The following CCDC88A variants were observed in gnomAD, a reference collection of about 807,000 sequenced individuals.
The protein encoded by CCDC88A is coiled-coil and HOOK domain protein 88A.
A neutral mutation model predicts 234.3 loss-of-function variants in CCDC88A; 54 were observed. The observed-to-expected ratio is 0.23, with a 90% CI of 0.19 to 0.29. The LOEUF (loss-of-function observed/expected upper bound fraction) is 0.29. CCDC88A is among the 10% of genes least tolerant of loss of function. The pLI is 1.00. For missense variants in CCDC88A, 1,832 were observed against 2,123.4 expected, an observed-to-expected ratio of 0.86 and a Z score of 2.70; for synonymous variants, 753 against 737.8, an observed-to-expected ratio of 1.02 and a Z score of -0.33.
intron 30 of CCDC88A, 52 bp downstream of exon 30, chr2:55,296,206 A>T (rs1474856911): frequency 6.5e-6 from 10 of 1,541,284 alleles, no homozygotes; most frequent in Non-Finnish European, 7.0e-6. Context: ...CAATTACAGA[A>T]ATTTAACTTG....
Position 55,336,738 on chromosome 2 carries a change from C to T in CCDC88A, c.1599G>A (p.Lys533=), listed in dbSNP as rs181558977. Residue 533 remains lysine, a synonymous_variant, in exon 14 of 33, where the codon AAG becomes AAA. Coordinates refer to ENST00000436346, the MANE Select transcript of CCDC88A (RefSeq NM_001365480.1). ...TTGTTTTTTCAAGCTGAGCTTTCTC[C>T]TTCATTAGATCCTTGCTTAAATTCT... ...NCQNLSKDLM[K]EKAQLEKTIE... is the part of the protein sequence containing the mutation. 9.7e-5 allele frequency: 155 copies of T among 1,594,150 alleles called. No homozygotes were observed. The East Asian group carries it at 3.1e-3, about 32-fold the overall frequency.
chr2:55,312,571 G>T lies in CCDC88A; in HGVS notation c.3942C>A (p.Ser1314Arg). The change falls in exon 23 of 33, where the codon AGC becomes AGA. Residue 1314 changes from serine to arginine, a missense_variant. By Grantham distance (110) the Ser-to-Arg change is moderately radical (BLOSUM62 -1). Transcript: ENST00000436346. ...CTTCTTCTAAATTTCCTTTAAGTTG[G>T]CTTAGCAACTGTTTAAACACAAACA... ...TKLNNQCELL[S>R]QLKGNLEEEN... The T allele has an allele frequency of 6.2e-7, 1 of 1,604,870 alleles. No homozygotes were observed. The highest frequency in any genetic ancestry group is 8.5e-7 in the Non-Finnish European group (1 of 1,175,122).
intron 23 of CCDC88A, among the ~76,000 whole-genome samples, chr2:55,311,018 AATCTTTGGAAGTCAACT>A (rs1682285793): frequency 6.6e-6 from 1 of 152,252 alleles, no homozygotes; most frequent in Admixed American, 6.5e-5. Flanking sequence ...AATAGATCAT[AATCTTTGGAAGTCAACT>A]ATCTAGATAC....
chr2:55,375,265 C>G (rs1316628685), intron 3 of CCDC88A, among the ~76,000 whole-genome samples: 27 of 151,772 alleles, frequency 1.8e-4, no homozygotes. Flanking sequence ...CAAATTAAAG[C>G]ATTCAAGTCA....
chr2:55,289,297 AT>A lies in CCDC88A; in HGVS notation c.*1902del, dbSNP rs1679280272. 6.6e-6 allele frequency: 1 copy of A among 152,578 alleles called. No individual in the cohort carries two copies. The highest frequency in any genetic ancestry group is 1.5e-5 in the Non-Finnish European group (1 of 67,992). The allele number at this position is 152,578 out of a possible 1,614,324, so 9.5% of individuals were successfully genotyped here. On this transcript the variant is annotated 3_prime_UTR_variant, in exon 33 of 33. Transcript: ENST00000436346. ...GCAAATTAGATGCTAGCTAATATAA[AT>A]CTAAGTTACCCACTAACTGTATTTA... is the stretch of plus-strand genomic sequence containing the variant.
At chr2:55,409,242 T>C (rs1470903911) in intron 2 of CCDC88A, among the ~76,000 whole-genome samples, 1 of 152,182 alleles carries the variant, frequency 6.6e-6, no homozygotes. Flanking sequence ...GTTATTTACA[T>C]CTTCATGCCT....
chr2:55,290,978 G>A lies in CCDC88A; in HGVS notation c.*222C>T, dbSNP rs1679402661. The A allele has an allele frequency of 2.0e-5, 3 of 152,458 alleles. No individual in the cohort carries two copies. The highest frequency in any genetic ancestry group is 7.2e-5 in the African/African-American group (3 of 41,410). 9.4% of individuals were successfully genotyped at this position (152,458 alleles called of 1,614,324 possible). A position where few individuals can be genotyped will look rare whatever the true frequency, so the allele number is the denominator to read the frequency against. On this transcript the variant is annotated 3_prime_UTR_variant, in exon 33 of 33. Transcript: ENST00000436346. ...AGTCCTAAAACCTTTAAAAAATTTT[G>A]GCAGTTGAATCCAGTAGTGCTCCTT...
chr2:55,324,512 G>A (rs1482933229), intron 17 of CCDC88A, among the ~76,000 whole-genome samples: 1 of 152,130 alleles, frequency 6.6e-6, no homozygotes, highest in East Asian at 1.9e-4. Context: ...CTTTAACCAT[G>A]TGTTGAGTGC....
At chr2:55,393,635 C>T (rs1677063225) in intron 2 of CCDC88A, among the ~76,000 whole-genome samples, 1 of 151,900 alleles carries the variant, frequency 6.6e-6, no homozygotes, top group African/African-American at 2.4e-5. Context: ...TAATTAACCA[C>T]CTTTCAAAAC....
At chr2:55,295,462 C>T (rs771228276) in intron 31 of CCDC88A, 135 bp downstream of exon 31, 1 of 1,568,260 alleles carries the variant, frequency 6.4e-7, no homozygotes, top group Non-Finnish European at 8.7e-7. Context: ...TGTGACCTTC[C>T]TGTTCTTGAG....
Position 55,362,295 on chromosome 2 carries a change from G to T in CCDC88A, c.627+13C>A, listed in dbSNP as rs1208160883. The T allele has an allele frequency of 6.4e-7, 1 of 1,552,706 alleles. No homozygotes were observed. Among genetic ancestry groups the T allele is most frequent in the South Asian group, 1.2e-5 (1 of 81,076 alleles). Reference sequence around the variant, plus strand: ...AGCAAACTTTCACAATATACTGAAAGAATTTTACAAACCTCTGAATGTTCA... The same window carrying T: ...AGCAAACTTTCACAATATACTGAAATAATTTTACAAACCTCTGAATGTTCA... On this transcript the variant is annotated intron_variant, in intron 7 of 32. Coordinates refer to ENST00000436346, the MANE Select transcript of CCDC88A (RefSeq NM_001365480.1).
At chr2:55,348,047 G>A (rs1007703519) in intron 9 of CCDC88A, among the ~76,000 whole-genome samples, 1 of 151,306 alleles carries the variant, frequency 6.6e-6, no homozygotes, top group African/African-American at 2.4e-5. Flanking sequence ...CTGCAGCCTC[G>A]ACCTCCCAGG....
rs764263889 is a variant in CCDC88A at position 55,408,736 on chromosome 2, T to C, written c.164+10080A>G. Among the ~76,000 whole-genome samples the C allele has an allele frequency of 5.9e-5, 9 of 152,140 alleles. No homozygotes were observed. In the South Asian group the frequency reaches 1.0e-3, roughly 18 times the overall value. On this transcript the variant is annotated intron_variant, in intron 2 of 32. Transcript: ENST00000436346. ...TCTGCCTGTGGAGTAGTCATACTTA[T>C]ATTCCTCTACTTTCTTAATAAACTT...
intron 29 of CCDC88A, among the ~76,000 whole-genome samples, chr2:55,297,819 T>G (rs1036421452): frequency 4.6e-5 from 7 of 152,140 alleles, no homozygotes; most frequent in Non-Finnish European, 4.4e-5. Context: ...CATTACTACT[T>G]GAAGGCTTCT....
At chr2:55,405,337 A>G (rs1236939884) in intron 2 of CCDC88A, 2 of 152,116 alleles carry the variant, frequency 1.3e-5, no homozygotes, top group African/African-American at 2.4e-5. Flanking sequence ...GGGCTCCCTA[A>G]TTTATTCCAG....
At chr2:55,333,037 T>C (rs1350595079) in intron 15 of CCDC88A, among the ~76,000 whole-genome samples, 1 of 152,206 alleles carries the variant, frequency 6.6e-6, no homozygotes, top group Non-Finnish European at 1.5e-5. Context: ...TAAATATATG[T>C]TGACTATAAT....
intron 18 of CCDC88A, among the ~76,000 whole-genome samples, chr2:55,319,812 A>G (rs1406731694): frequency 2.6e-5 from 4 of 152,208 alleles, no homozygotes; most frequent in African/African-American, 4.8e-5. Context: ...AAAATCAACA[A>G]CAGCAAAGTA....
intron 31 of CCDC88A, chr2:55,292,956 C>A (rs1679599299): frequency 6.6e-6 from 1 of 151,620 alleles, no homozygotes; most frequent in Admixed American, 6.6e-5. Flanking sequence ...TATTTTCCAA[C>A]AGTCCTCAGG....
chr2:55,368,331 T>C (rs1444413706), intron 5 of CCDC88A, among the ~76,000 whole-genome samples: 1 of 152,164 alleles, frequency 6.6e-6, no homozygotes, highest in Non-Finnish European at 1.5e-5. Context: ...AGGTAAGATC[T>C]TTGGATAATG....
Sources: allele counts gnomAD v4.1 joint callset (sites outside exome capture counted in the v4.1 genomes callset), GRCh38; gene constraint gnomAD v4.1.1; transcripts MANE v1.5; gene names NCBI Gene and HGNC (gene_info 2026-07-23, HGNC 2026-07-21).